CAPS2: variants seen among roughly 807,000 people sequenced by gnomAD.
The protein encoded by CAPS2 is calcyphosin-2.
CAPS2 carries 98 observed loss-of-function variants against 86.5 expected under a neutral mutation model. The observed-to-expected ratio is 1.13, with a 90% CI of 0.96 to 1.34. The LOEUF (loss-of-function observed/expected upper bound fraction) is 1.34, where lower values mean the gene tolerates loss of function less well. Among genes scored for constraint, CAPS2 ranks in the 40% most tolerant of loss-of-function variants. The pLI, the probability that CAPS2 is intolerant of heterozygous loss-of-function variation, is 0.00. For missense variants in CAPS2, 729 were observed against 686.8 expected (o/e 1.06, Z -0.69); for synonymous variants, 210 against 225.1 (o/e 0.93, Z 0.60).
intron 12 of CAPS2, 125 bp from the exon 13 acceptor site, chr12:75,291,945 A>G (rs1174021831): frequency 7.9e-6 from 3 of 381,494 alleles, no homozygotes; most frequent in Non-Finnish European, 1.4e-5. Flanking sequence ...AAGAGTGCTT[A>G]GAATTTAATC....
intron 7 of CAPS2, among the ~76,000 whole-genome samples, chr12:75,312,007 C>T (rs2039282565): frequency 6.6e-6 from 1 of 152,160 alleles, no homozygotes; most frequent in Non-Finnish European, 1.5e-5. Context: ...GTCATGCATT[C>T]TTTCTGCCAC....
At chr12:75,308,149 T>C (rs559872202) in intron 7 of CAPS2, among the ~76,000 whole-genome samples, 23 of 152,328 alleles carry the variant, frequency 1.5e-4, no homozygotes, top group Non-Finnish European at 2.9e-4. Flanking sequence ...CAGCCTCTGA[T>C]TGGTCACTTT....
intron 1 of CAPS2, among the ~76,000 whole-genome samples, chr12:75,380,408 C>A (rs1209069807): frequency 6.6e-6 from 1 of 152,170 alleles, no homozygotes; most frequent in African/African-American, 2.4e-5. Context: ...AGCAACATAT[C>A]ACTTGCCAAT....
At chr12:75,323,803 T>C (rs1047599332) in intron 2 of CAPS2, among the ~76,000 whole-genome samples, 20 of 152,224 alleles carry the variant, frequency 1.3e-4, no homozygotes, top group African/African-American at 4.3e-4. Flanking sequence ...GATTTCACTG[T>C]ACTTCACTAT....
At chr12:75,278,233 C>A in exon 17 of CAPS2, 1 of 982,788 alleles carries the variant, frequency 1.0e-6, no homozygotes, top group Non-Finnish European at 1.2e-6. Context: ...CTCTATTTAA[C>A]CAACAACAGT....
intron 14 of CAPS2, among the ~76,000 whole-genome samples, chr12:75,287,485 T>C (rs940068914): frequency 6.6e-6 from 1 of 152,096 alleles, no homozygotes; most frequent in Non-Finnish European, 1.5e-5. Context: ...CTTCAGTCTA[T>C]CAGTATTAGG....
rs1371734510 is a variant in CAPS2, at chr12:75,289,615, A to G, written c.1395+6T>C. ...TCTGCTGCAGAGAATTTTCTGTAGC[A>G]CATACCTTTTCAGACACTTCTAAGT... On this transcript the variant is annotated splice_donor_region_variant and intron_variant, in intron 14 of 16. Coordinates refer to ENST00000393284, the Ensembl canonical transcript of CAPS2. 6.2e-7 allele frequency: 1 copy of G among 1,607,608 alleles called. No homozygotes were observed. The highest frequency in any genetic ancestry group is 1.3e-5 in the African/African-American group (1 of 74,670).
intron 1 of CAPS2, chr12:75,343,812 A>G: frequency 1.9e-6 from 3 of 1,613,578 alleles, no homozygotes; most frequent in Non-Finnish European, 1.7e-6. Context: ...ATGTTGGAGA[A>G]AATATCTGGT....
chr12:75,321,755 C>A (rs1278107865), intron 4 of CAPS2, among the ~76,000 whole-genome samples, 179 bp from the exon 5 acceptor site: 3 of 152,010 alleles, frequency 2.0e-5, no homozygotes, highest in African/African-American at 7.2e-5. Context: ...CATCACTGAC[C>A]AATCAGAGCA....
At chr12:75,304,800 T>C (rs1482440140) in exon 8 of CAPS2, 34 of 1,608,984 alleles carry the variant, frequency 2.1e-5, no homozygotes, top group Non-Finnish European at 2.9e-5. Flanking sequence ...AGAGGTGTCA[T>C]CTTTGAATCT....
intron 1 of CAPS2, among the ~76,000 whole-genome samples, chr12:75,356,406 G>A (rs1204875095): frequency 2.0e-5 from 3 of 152,012 alleles, no homozygotes; most frequent in Non-Finnish European, 4.4e-5. Context: ...TAAATGTATT[G>A]TGATATTGTA....
chr12:75,298,937 A>G lies in CAPS2; in HGVS notation c.884T>C (p.Ile295Thr), dbSNP rs765312160. Residue 295 changes from isoleucine (I) to threonine (T), a missense_variant, in exon 10 of 17, where the codon ATT becomes ACT. Physicochemically the swap from Ile to Thr is moderately conservative, Grantham distance 89. Transcript: ENST00000393284. ...TTGGTCATGAGTGAAAAAGAACCCAATGAGCTCTCTGCAAGCATCACGTCC... is the reference window on the plus strand; with the variant it reads ...TTGGTCATGAGTGAAAAAGAACCCAGTGAGCTCTCTGCAAGCATCACGTCC... 23 of 1,607,200 alleles carry G rather than the reference A, an allele frequency of 1.4e-5. No homozygotes were observed. In the South Asian group the frequency reaches 2.1e-4, roughly 15 times the overall value.
chr12:75,306,777 A>C (rs1192158938), intron 7 of CAPS2, among the ~76,000 whole-genome samples: 3 of 152,108 alleles, frequency 2.0e-5, no homozygotes, highest in Admixed American at 2.0e-4. Flanking sequence ...CCCTCTCTTC[A>C]TGACCTTGCT....
chr12:75,289,726 T>C, exon 14 of CAPS2: 3 of 1,612,818 alleles, frequency 1.9e-6, no homozygotes, highest in Non-Finnish European at 1.7e-6. Flanking sequence ...ATTTTCCCAA[T>C]CCAGTCAAAA....
chr12:75,287,071 C>A (rs1213811886), intron 14 of CAPS2, among the ~76,000 whole-genome samples: 3 of 150,782 alleles, frequency 2.0e-5, no homozygotes, highest in Non-Finnish European at 4.4e-5. Context: ...CACGCAAGCA[C>A]ACACACACAA....
At chr12:75,343,946 T>C (rs746654617) in intron 1 of CAPS2, 8 of 1,590,370 alleles carry the variant, frequency 5.0e-6, no homozygotes, top group Middle Eastern at 3.8e-4. Context: ...CAGGTAAATA[T>C]TTGACATCTT....
chr12:75,291,682 T>C, intron 13 of CAPS2, 62 bp downstream of exon 13: 1 of 756,592 alleles, frequency 1.3e-6, no homozygotes, highest in Non-Finnish European at 2.0e-6. Flanking sequence ...AAATGCTGTT[T>C]TACTGATTAT....
At chr12:75,292,008 T>C (rs952109770) in intron 12 of CAPS2, among the ~76,000 whole-genome samples, 188 bp from the exon 13 acceptor site, 8 of 152,228 alleles carry the variant, frequency 5.3e-5, no homozygotes, top group African/African-American at 1.7e-4. Flanking sequence ...AACTGAGAGC[T>C]AAAATCCTTA....
At position 75,282,364 on chromosome 12, in the gene CAPS2, T is replaced by C; in HGVS notation, c.1516-17A>G. 6.8e-7 allele frequency: 1 copy of C among 1,467,012 alleles called. No homozygotes were observed. The highest frequency in any genetic ancestry group is 9.6e-7 in the Non-Finnish European group (1 of 1,046,724). 90.9% of individuals were successfully genotyped at this position (1,467,012 alleles called of 1,614,324 possible). On this transcript the variant is annotated splice_polypyrimidine_tract_variant and intron_variant, in intron 15 of 16. Coordinates refer to ENST00000393284, the Ensembl canonical transcript of CAPS2. The stretch of plus-strand genomic sequence containing the variant: ...CATAAAGGCCTAAACAGACAAATAT[T>C]ATTATTATTAGTTTGTTGGTTGGTT...
Sources: gnomAD v4.1 joint callset for allele counts (sites outside exome capture counted in the v4.1 genomes callset) on GRCh38, gnomAD v4.1.1 for gene constraint, MANE v1.5 for transcripts, NCBI Gene and HGNC (gene_info 2026-07-23, HGNC 2026-07-21) for gene names.